KIAA1671: variants seen among roughly 807,000 people sequenced by gnomAD.
KIAA1671 encodes the protein uncharacterized protein KIAA1671.
KIAA1671 carries 52 observed loss-of-function variants against 131.2 expected under a neutral mutation model. The ratio of observed to expected loss-of-function variants is 0.40; its 90% CI spans 0.32 to 0.50. KIAA1671 has a LOEUF of 0.50. Ranked by LOEUF, KIAA1671 falls within the 20% of genes least tolerant of loss-of-function variation. The pLI is 0.73. For synonymous variants in KIAA1671, 1,003 were observed against 961.6 expected, an observed-to-expected ratio of 1.04 and a Z score of -0.80; for missense variants, 2,360 against 2,364.2, an observed-to-expected ratio of 1.00 and a Z score of 0.04.
chr22:25,042,753 G>A (rs1212441612), intron 5 of KIAA1671, among the ~76,000 whole-genome samples: 3 of 151,926 alleles, frequency 2.0e-5, no homozygotes, highest in East Asian at 3.9e-4. Flanking sequence ...GATTACAGGC[G>A]CGAGCCACTG....
chr22:25,035,195 G>T (rs1323458335), intron 4 of KIAA1671, among the ~76,000 whole-genome samples: 2 of 151,858 alleles, frequency 1.3e-5, no homozygotes, highest in Non-Finnish European at 2.9e-5. Flanking sequence ...ACAGGCACGT[G>T]CCTCTATGCC....
Position 25,147,493 on chromosome 22 carries a change from C to T in KIAA1671, c.4531-23327C>T, listed in dbSNP as rs527898564. On this transcript the variant is annotated intron_variant, in intron 6 of 12. Transcript: ENST00000358431. Reference sequence around the variant, plus strand: ...TAGGTGTGAGCCACCGCACCTGGCCCCATGCAGCATTTTATAACAATACCC... The same window carrying T: ...TAGGTGTGAGCCACCGCACCTGGCCTCATGCAGCATTTTATAACAATACCC... Among the ~76,000 whole-genome samples the T allele has an allele frequency of 9.5e-4, 145 of 152,236 alleles. 1 individual carries two copies. Among genetic ancestry groups the T allele is most frequent in the African/African-American group, 3.4e-3 (143 of 41,536 alleles).
intron 6 of KIAA1671, among the ~76,000 whole-genome samples, chr22:25,070,588 G>C (rs1928771091): frequency 6.6e-6 from 1 of 152,174 alleles, no homozygotes; most frequent in Non-Finnish European, 1.5e-5. Context: ...AAGGAAACGG[G>C]CTTGGTTTGG....
At chr22:25,189,283 C>T (rs1372920838) in intron 11 of KIAA1671, among the ~76,000 whole-genome samples, 1 of 152,060 alleles carries the variant, frequency 6.6e-6, no homozygotes, top group Non-Finnish European at 1.5e-5. Flanking sequence ...CACCATTCTC[C>T]TGCCTCAGCC....
chr22:25,080,432 C>T (rs1929343366), intron 6 of KIAA1671, among the ~76,000 whole-genome samples: 1 of 152,220 alleles, frequency 6.6e-6, no homozygotes, highest in Non-Finnish European at 1.5e-5. Context: ...TACCCAGAGC[C>T]TTTGGAGCAG....
At chr22:25,051,135 G>C (rs1014736132) in intron 6 of KIAA1671, 1 of 152,330 alleles carries the variant, frequency 6.6e-6, no homozygotes, top group Non-Finnish European at 1.5e-5. Flanking sequence ...TCTCCTCAGA[G>C]GTAGGTGGGT....
At chr22:25,189,005 C>T (rs1181485771) in intron 11 of KIAA1671, among the ~76,000 whole-genome samples, 1 of 152,052 alleles carries the variant, frequency 6.6e-6, no homozygotes, top group East Asian at 1.9e-4. Flanking sequence ...AAGGAATTGG[C>T]TCATGTGATT....
chr22:25,174,193 G>A, intron 7 of KIAA1671, 47 bp from the exon 8 acceptor site: 1 of 1,540,690 alleles, frequency 6.5e-7, no homozygotes, highest in Non-Finnish European at 8.8e-7. Context: ...CCCGTTCTCT[G>A]AAACGTTCTC....
In KIAA1671 at chr22:25,065,695, A is replaced by G. The variant is rs1010640707; in HGVS notation, c.4530+16331A>G. Among the ~76,000 whole-genome samples the G allele has an allele frequency of 2.6e-5, 4 of 151,312 alleles. No individual in the cohort carries two copies. The East Asian group carries it at 5.8e-4, about 22-fold the overall frequency. On this transcript the variant is annotated intron_variant, in intron 6 of 12. Transcript: ENST00000358431. ...TCGCTCGTCGCCCAGGCTGGAGTGC[A>G]GTGGTGCGATCTCGGCTTACTGCAA...
intron 1 of KIAA1671, among the ~76,000 whole-genome samples, chr22:24,991,399 A>G (rs1487267927): frequency 6.6e-6 from 1 of 151,224 alleles, no homozygotes; most frequent in African/African-American, 2.5e-5. Context: ...GTGGCTCTGG[A>G]ATTGACAAGA....
intron 1 of KIAA1671, among the ~76,000 whole-genome samples, chr22:24,961,624 C>T (rs958688583): frequency 6.6e-6 from 1 of 152,234 alleles, no homozygotes; most frequent in Non-Finnish European, 1.5e-5. Flanking sequence ...GCGTGTTCTT[C>T]TGTGGTGGAC....
At chr22:24,973,353 G>A (rs564646257) in intron 1 of KIAA1671, among the ~76,000 whole-genome samples, 1 of 145,918 alleles carries the variant, frequency 6.9e-6, no homozygotes, top group Non-Finnish European at 1.5e-5. Context: ...CCCTGCTCTC[G>A]CTCCTCTCAG....
intron 1 of KIAA1671, among the ~76,000 whole-genome samples, chr22:24,967,956 G>A (rs1461549813): frequency 6.6e-6 from 1 of 152,134 alleles, no homozygotes; most frequent in African/African-American, 2.4e-5. Flanking sequence ...TCATGCCACT[G>A]CACTCCAGCC....
intron 5 of KIAA1671, among the ~76,000 whole-genome samples, chr22:25,046,159 G>A (rs1369920430): frequency 2.0e-5 from 3 of 151,974 alleles, no homozygotes; most frequent in East Asian, 1.9e-4. Context: ...AAAATTAGCC[G>A]GGCTTGGTGG....
intron 2 of KIAA1671, among the ~76,000 whole-genome samples, chr22:25,027,065 A>G (rs1274611143): frequency 6.6e-6 from 1 of 152,134 alleles, no homozygotes; most frequent in Non-Finnish European, 1.5e-5. Flanking sequence ...ATAGCTCGAG[A>G]TCTCACTCAT....
At chr22:25,151,086 G>A (rs1420810764) in intron 6 of KIAA1671, among the ~76,000 whole-genome samples, 1 of 151,586 alleles carries the variant, frequency 6.6e-6, no homozygotes, top group African/African-American at 2.4e-5. Flanking sequence ...CGCCTGCCTC[G>A]GCCTCCCAAA....
chr22:25,090,691 T>A (rs1929985678), intron 6 of KIAA1671, among the ~76,000 whole-genome samples: 1 of 152,248 alleles, frequency 6.6e-6, no homozygotes, highest in African/African-American at 2.4e-5. Context: ...TTTTCTGTCA[T>A]CTCATTGGGT....
rs1294701258 is a variant in KIAA1671 at position 25,190,623 on chromosome 22, G to A, written c.5343-79G>A. 6.5e-6 allele frequency: 8 copies of A among 1,238,450 alleles called. No homozygotes were observed. In the African/African-American group the frequency reaches 7.5e-5, roughly 12 times the overall value. The allele number at this position is 1,238,450 out of a possible 1,614,324, so 76.7% of individuals were successfully genotyped here. A position where few individuals can be genotyped will look rare whatever the true frequency, so the allele number is the denominator to read the frequency against. The stretch of plus-strand genomic sequence containing the variant: ...CCCCGCCTGGGCCCAGGGATAGACA[G>A]TCGGATACCACTCAGTCCTGCCCGC... On this transcript the variant is annotated intron_variant, in intron 11 of 12. Transcript: ENST00000358431.
chr22:25,036,789 T>C (rs995752811), intron 4 of KIAA1671, among the ~76,000 whole-genome samples: 1 of 151,210 alleles, frequency 6.6e-6, no homozygotes, highest in Non-Finnish European at 1.5e-5. Context: ...CCAGGCGTGG[T>C]GGTGCATGCC....
Sources: gnomAD v4.1 joint callset for allele counts (sites outside exome capture counted in the v4.1 genomes callset) on GRCh38, gnomAD v4.1.1 for gene constraint, MANE v1.5 for transcripts, NCBI Gene and HGNC (gene_info 2026-07-23, HGNC 2026-07-21) for gene names.